The following YAF2 variants were observed in gnomAD, a reference collection of about 807,000 sequenced individuals.
YAF2 encodes the protein YY1-associated factor 2.
YAF2 carries 7 observed loss-of-function variants against 20.1 expected under a neutral mutation model. The ratio of observed to expected loss-of-function variants is 0.35; its 90% CI spans 0.20 to 0.65. The LOEUF (loss-of-function observed/expected upper bound fraction) is 0.65. YAF2 is among the 30% of genes least tolerant of loss of function. The pLI is 0.69. For missense variants in YAF2, 151 were observed against 219.2 expected (o/e 0.69, Z 1.96); for synonymous variants, 74 against 76.0 (o/e 0.97, Z 0.14).
intron 2 of YAF2, among the ~76,000 whole-genome samples, chr12:42,197,052 A>G (rs1388674041): frequency 6.6e-6 from 1 of 152,234 alleles, no homozygotes; most frequent in Admixed American, 6.5e-5. Context: ...TCCTCAGTAA[A>G]TGTTTAGTGA....
chr12:42,186,400 G>A (rs2066475468), intron 2 of YAF2, among the ~76,000 whole-genome samples: 1 of 151,850 alleles, frequency 6.6e-6, no homozygotes, highest in Non-Finnish European at 1.5e-5. Flanking sequence ...ATCAAATATG[G>A]TATATAAGGG....
At chr12:42,210,518 C>T in intron 2 of YAF2, 1 of 1,535,894 alleles carries the variant, frequency 6.5e-7, no homozygotes, top group South Asian at 1.2e-5. Flanking sequence ...TTGGGAGATG[C>T]TAGAGACATG....
chr12:42,188,029 T>C (rs2066518178), intron 2 of YAF2, among the ~76,000 whole-genome samples: 1 of 152,180 alleles, frequency 6.6e-6, no homozygotes, highest in Non-Finnish European at 1.5e-5. Flanking sequence ...GTTATCTTAG[T>C]TGCACCCTCA....
intron 2 of YAF2, among the ~76,000 whole-genome samples, chr12:42,208,250 C>G (rs183987208): frequency 6.6e-6 from 1 of 152,052 alleles, no homozygotes; most frequent in African/African-American, 2.4e-5. Context: ...ATGGTGAAAT[C>G]CTGTCTCTAC....
At chr12:42,206,835 A>G (rs577052843) in intron 2 of YAF2, among the ~76,000 whole-genome samples, 1 of 152,310 alleles carries the variant, frequency 6.6e-6, no homozygotes, top group East Asian at 1.9e-4. Flanking sequence ...TTGAAGCACA[A>G]TAAAGTTCTC....
At chr12:42,164,956 G>A (rs181318660) in intron 2 of YAF2, among the ~76,000 whole-genome samples, 2 of 151,648 alleles carry the variant, frequency 1.3e-5, no homozygotes, top group African/African-American at 4.8e-5. Flanking sequence ...GTAGGAGGCT[G>A]AGGTGGAAAA....
At chr12:42,236,248 A>G (rs2068151780) in intron 2 of YAF2, among the ~76,000 whole-genome samples, 1 of 152,238 alleles carries the variant, frequency 6.6e-6, no homozygotes, top group Non-Finnish European at 1.5e-5. Context: ...CACAGCCAAG[A>G]AGATACTCTG....
intron 2 of YAF2, among the ~76,000 whole-genome samples, chr12:42,218,182 G>GGA (rs144448961): frequency 0.013 from 1,303 of 97,512 alleles, 20 homozygotes; most frequent in South Asian, 0.087. Flanking sequence ...CAGGCTACTA[G>GGA]GAAACACACA....
chr12:42,168,128 C>G (rs1022788485), intron 2 of YAF2, among the ~76,000 whole-genome samples: 5 of 151,886 alleles, frequency 3.3e-5, no homozygotes, highest in Admixed American at 6.6e-5. Flanking sequence ...CCACAACATT[C>G]CTGACAAACT....
chr12:42,190,078 T>G (rs955939005), intron 2 of YAF2, among the ~76,000 whole-genome samples: 1 of 152,238 alleles, frequency 6.6e-6, no homozygotes, highest in Non-Finnish European at 1.5e-5. Flanking sequence ...TGTGGTGGCT[T>G]ACGTCTGTAA....
chr12:42,185,196 AC>A (rs1277673099), intron 2 of YAF2, among the ~76,000 whole-genome samples: 13 of 152,254 alleles, frequency 8.5e-5, no homozygotes, highest in African/African-American at 2.9e-4. Flanking sequence ...AAACAAACAA[AC>A]AAACAAAAAA....
chr12:42,235,863 C>A, intron 2 of YAF2: 1 of 1,536,088 alleles, frequency 6.5e-7, no homozygotes, highest in African/African-American at 1.4e-5. Context: ...TATATTCCTT[C>A]TTCTTCCAGG....
At chr12:42,185,306 C>T (rs968064750) in intron 2 of YAF2, among the ~76,000 whole-genome samples, 3 of 152,212 alleles carry the variant, frequency 2.0e-5, no homozygotes, top group African/African-American at 7.2e-5. Flanking sequence ...CAGATAAACA[C>T]ACAAAGTGGT....
chr12:42,183,888 CTT>C (rs1592193092), intron 2 of YAF2, among the ~76,000 whole-genome samples: 1 of 152,218 alleles, frequency 6.6e-6, no homozygotes, highest in South Asian at 2.1e-4. Context: ...GGCTGACTCT[CTT>C]GTTAGGGGCT....
intron 2 of YAF2, among the ~76,000 whole-genome samples, chr12:42,195,650 T>G (rs957870061): frequency 1.3e-5 from 2 of 152,194 alleles, no homozygotes; most frequent in Non-Finnish European, 2.9e-5. Context: ...ACAATGTACC[T>G]ATTTTATGAT....
intron 2 of YAF2, among the ~76,000 whole-genome samples, chr12:42,213,983 T>G (rs1160417269): frequency 6.6e-6 from 1 of 152,208 alleles, no homozygotes; most frequent in Non-Finnish European, 1.5e-5. Context: ...ATAGCCCAAC[T>G]AGTCTTTCTA....
At chr12:42,180,058 T>C (rs944233068) in intron 2 of YAF2, among the ~76,000 whole-genome samples, 1 of 152,196 alleles carries the variant, frequency 6.6e-6, no homozygotes, top group African/African-American at 2.4e-5. Flanking sequence ...ATTTGTTTCA[T>C]TAACTTAGTC....
At chr12:42,189,327 AATCAG>A (rs2066554111) in intron 2 of YAF2, among the ~76,000 whole-genome samples, 5 of 152,246 alleles carry the variant, frequency 3.3e-5, no homozygotes, top group Non-Finnish European at 4.4e-5. Context: ...CTGGGATTTG[AATCAG>A]AAAGAACAGG....
In YAF2 at chr12:42,214,049, T is replaced by C. The variant is rs558722110; in HGVS notation, c.152+23550A>G. 2.0e-5 allele frequency among the ~76,000 whole-genome samples: 3 copies of C among 152,310 alleles called. No individual in the cohort carries two copies. The East Asian group carries it at 5.8e-4, about 29-fold the overall frequency. The stretch of plus-strand genomic sequence containing the variant: ...TCTCCTTACAGAAGCCACAGAGCAC[T>C]TCCACACTTAAACTCATTAAATGGC... On this transcript the variant is annotated intron_variant, in intron 2 of 3. Transcript: ENST00000534854.
Sources: allele counts gnomAD v4.1 joint callset (sites outside exome capture counted in the v4.1 genomes callset), GRCh38; gene constraint gnomAD v4.1.1; transcripts MANE v1.5; gene names NCBI Gene and HGNC (gene_info 2026-07-23, HGNC 2026-07-21).